The following COL9A2 variants were observed in gnomAD, a reference collection of about 807,000 sequenced individuals.
The protein encoded by COL9A2 is collagen type IX alpha 2 chain.
In COL9A2, 66 loss-of-function variants were observed where a neutral mutation model predicts 111.6. The ratio of observed to expected loss-of-function variants is 0.59; its 90% CI spans 0.48 to 0.73. The LOEUF is 0.73. Among genes scored for constraint, COL9A2 ranks in the 30% least tolerant of loss-of-function variants. The probability of loss-of-function intolerance (pLI) is 0.00; values close to 1 mark genes in which losing one functional copy is unlikely to be tolerated. For missense variants in COL9A2, 881 were observed against 954.1 expected (o/e 0.92, Z 1.01); for synonymous variants, 353 against 364.1 (o/e 0.97, Z 0.35).
rs549065501 is a variant in COL9A2 at position 40,307,195 on chromosome 1, G to T, written c.1008+251C>A. 6.6e-6 allele frequency among the ~76,000 whole-genome samples: 1 copy of T among 152,132 alleles called. No individual in the cohort carries two copies. The highest frequency in any genetic ancestry group is 1.5e-5 in the Non-Finnish European group (1 of 68,004). On this transcript the variant is annotated intron_variant, in intron 19 of 31. Transcript: ENST00000372748. This position sits in a 1 kb window ranked among gnomAD's most constrained non-coding sequence, Gnocchi z 4.8. ...GACTGAATGACTTTTTCCTGGAGGC[G>T]GTGGGGAGCCATGGAAGGTGCTATA...
At chr1:40,305,895 G>C in intron 20 of COL9A2, 127 bp from the exon 21 acceptor site, 2 of 895,734 alleles carry the variant, frequency 2.2e-6, no homozygotes, top group East Asian at 2.5e-5. Flanking sequence ...GGTATTCTTG[G>C]TTCAATCCTC....
Position 40,305,061 on chromosome 1 carries a change from CTTTTTTTTTTT to C in COL9A2, c.1108-225_1108-215del, listed in dbSNP as rs869251364. 2.2e-4 allele frequency: 27 copies of C among 123,654 alleles called. No homozygotes were observed. The Admixed American group carries it at 2.2e-3, about 10-fold the overall frequency. The allele number at this position is 123,654 out of a possible 1,614,324, so 7.7% of individuals were successfully genotyped here. On this transcript the variant is annotated intron_variant, in intron 21 of 31. Transcript: ENST00000372748. The stretch of plus-strand genomic sequence containing the variant: ...TTATCATGTGATCATTTCTTTCTTT[CTTTTTTTTTTT>C]TTTTTTTTTTTTTGAGAGGGAGTCT...
rs1315589414 is a variant in COL9A2, at chr1:40,302,583, C to T, written c.1792+38G>A. On this transcript the variant is annotated intron_variant, in intron 30 of 31. Transcript: ENST00000372748. The surrounding 1 kb of genome is among the most constrained non-coding windows in gnomAD (Gnocchi z 4.5). Reference sequence around the variant, plus strand: ...AAGGGCCGGCCTGGACAAATCCTCACTGCCTGGCCCCCATGCCCACCGCAG... The same window carrying T: ...AAGGGCCGGCCTGGACAAATCCTCATTGCCTGGCCCCCATGCCCACCGCAG... 6.4e-7 allele frequency: 1 copy of T among 1,568,274 alleles called. No individual in the cohort carries two copies.
chr1:40,311,940 A>G lies in COL9A2; in HGVS notation c.417+119T>C. ...CTCATAGGAGGGGTTTCTGCCCCAG[A>G]CCTGGAGGAGTTTCCCAGTGGCCAG... On this transcript the variant is annotated intron_variant, in intron 8 of 31. Coordinates refer to ENST00000372748, the MANE Select transcript of COL9A2 (RefSeq NM_001852.4). This position sits in a 1 kb window ranked among gnomAD's most constrained non-coding sequence, Gnocchi z 5.1. The G allele has an allele frequency of 1.7e-6, 2 of 1,192,514 alleles. No individual in the cohort carries two copies. The highest frequency in any genetic ancestry group is 1.3e-5 in the South Asian group (1 of 76,332). 73.9% of individuals were successfully genotyped at this position (1,192,514 alleles called of 1,614,324 possible).
Position 40,305,772 on chromosome 1 carries a change from C to A in COL9A2, c.1054-4G>T. On this transcript the variant is annotated splice_polypyrimidine_tract_variant and splice_region_variant and intron_variant, in intron 20 of 31. Coordinates refer to ENST00000372748, the MANE Select transcript of COL9A2 (RefSeq NM_001852.4). ...GGCCCTGCGGGCCCGGCTCACCCTGCAGGAAAACAGTTCTCAGGTCAGTCT... is the reference window on the plus strand; with the variant it reads ...GGCCCTGCGGGCCCGGCTCACCCTGAAGGAAAACAGTTCTCAGGTCAGTCT... 1.2e-6 allele frequency: 2 copies of A among 1,614,076 alleles called. No individual in the cohort carries two copies. Among genetic ancestry groups the A allele is most frequent in the Non-Finnish European group, 1.7e-6 (2 of 1,179,980 alleles).
rs74541133 is a variant in COL9A2 at position 40,301,720 on chromosome 1, G to A, written c.1870+92C>T. On this transcript the variant is annotated intron_variant, in intron 31 of 31. Coordinates refer to ENST00000372748, the MANE Select transcript of COL9A2 (RefSeq NM_001852.4). ...GTATCAAGGACTGAGCTGGCTGAGC[G>A]TGAGGCCGCCATGGAGGAGACCGCA... 11,489 of 1,243,888 alleles carry A rather than the reference G, an allele frequency of 9.2e-3. 831 individuals are homozygous for A. In the African/African-American group the frequency reaches 0.15, roughly 16 times the overall value. 77.1% of individuals were successfully genotyped at this position (1,243,888 alleles called of 1,614,324 possible).
chr1:40,302,456 C>T lies in COL9A2; in HGVS notation c.1792+165G>A, dbSNP rs1643928249. Among the ~76,000 whole-genome samples the T allele has an allele frequency of 3.3e-5, 5 of 152,182 alleles. No individual in the cohort carries two copies. The South Asian group carries it at 1.0e-3, about 32-fold the overall frequency. On this transcript the variant is annotated intron_variant, in intron 30 of 31. Coordinates refer to ENST00000372748, the MANE Select transcript of COL9A2 (RefSeq NM_001852.4). The surrounding 1 kb of genome is among the most constrained non-coding windows in gnomAD (Gnocchi z 4.5). ...GAGTGATAACATAGTACATTCATTG[C>T]CATCCGTTTGCTACTAGGAAAGAGC...
At chr1:40,305,257 C>T (rs1042984805) in intron 21 of COL9A2, among the ~76,000 whole-genome samples, 4 of 151,772 alleles carry the variant, frequency 2.6e-5, no homozygotes, top group Non-Finnish European at 4.4e-5. Context: ...TTAGTAGAGA[C>T]GGGGTTTCAC....
rs1644121806 is a variant in COL9A2, at chr1:40,311,352, C to T, written c.520-66G>A. 3 of 1,586,642 alleles carry T rather than the reference C, an allele frequency of 1.9e-6. No homozygotes were observed. The highest frequency in any genetic ancestry group is 1.3e-5 in the African/African-American group (1 of 74,264). ...GCAGTGCGCCCCCATCTCTCCAAGC[C>T]CCGTGCTCTCCTCCGCCTCACCTGG... On this transcript the variant is annotated intron_variant, in intron 10 of 31. Transcript: ENST00000372748. This position sits in a 1 kb window ranked among gnomAD's most constrained non-coding sequence, Gnocchi z 5.1.
rs371190226 is a variant in COL9A2 at position 40,311,642 on chromosome 1, G to A, written c.471+20C>T. 15 of 1,613,798 alleles carry A rather than the reference G, an allele frequency of 9.3e-6. No homozygotes were observed. In the South Asian group the frequency reaches 9.9e-5, roughly 11 times the overall value. ...TCCTTCCCCTGCACTTTGCCATGTC[G>A]GGGGTCTGGGGACACTTACAGGTTT... On this transcript the variant is annotated intron_variant, in intron 9 of 31. Coordinates refer to ENST00000372748, the MANE Select transcript of COL9A2 (RefSeq NM_001852.4). This position sits in a 1 kb window ranked among gnomAD's most constrained non-coding sequence, Gnocchi z 5.1.
At position 40,312,807 on chromosome 1, in the gene COL9A2, G is replaced by A. The variant is rs202066910; in HGVS notation, c.250-23C>T. On this transcript the variant is annotated intron_variant, in intron 4 of 31. Transcript: ENST00000372748. The surrounding 1 kb of genome is among the most constrained non-coding windows in gnomAD (Gnocchi z 6.0). ...ACCCTGGGGAAGAATGAAAATGTAG[G>A]ATCAATGAGGGCCAACCTGCTCCCT... 1.3e-6 allele frequency: 2 copies of A among 1,548,548 alleles called. No homozygotes were observed. Among genetic ancestry groups the A allele is most frequent in the East Asian group, 2.4e-5 (1 of 40,928 alleles).
In COL9A2 at chr1:40,314,280, G is replaced by T. The variant is rs1644180716; in HGVS notation, c.187-13C>A. ...CGCCCTTGGGTCCCTTGAAAACAGA[G>T]ATGGAACAAACATGAGCCAGAGGAG... On this transcript the variant is annotated splice_polypyrimidine_tract_variant and intron_variant, in intron 3 of 31. Coordinates refer to ENST00000372748, the MANE Select transcript of COL9A2 (RefSeq NM_001852.4). This position sits in a 1 kb window ranked among gnomAD's most constrained non-coding sequence, Gnocchi z 4.1. 6.2e-7 allele frequency: 1 copy of T among 1,614,220 alleles called. No homozygotes were observed. Among genetic ancestry groups the T allele is most frequent in the Non-Finnish European group, 8.5e-7 (1 of 1,180,044 alleles).
chr1:40,306,216 G>C, intron 19 of COL9A2, 29 bp from the exon 20 acceptor site: 1 of 1,614,002 alleles, frequency 6.2e-7, no homozygotes, highest in Non-Finnish European at 8.5e-7. Flanking sequence ...GTCAGTTTCT[G>C]CCCTGGCATG....
At chr1:40,309,324 AAG>A (rs1236360277) in intron 16 of COL9A2, among the ~76,000 whole-genome samples, 1 of 152,088 alleles carries the variant, frequency 6.6e-6, no homozygotes, top group Non-Finnish European at 1.5e-5. Context: ...AATTTTTAAA[AAG>A]AAAAGAAAAT....
chr1:40,306,186 C>G lies in COL9A2; in HGVS notation c.1010G>C (p.Gly337Ala), dbSNP rs199502479. 4.3e-5 allele frequency: 69 copies of G among 1,614,104 alleles called. No individual in the cohort carries two copies. Among genetic ancestry groups the G allele is most frequent in the Non-Finnish European group, 5.7e-5 (67 of 1,180,046 alleles). The change falls in exon 20 of 32, where the codon GGT becomes GCT. Residue 337 changes from glycine to alanine, a missense_variant and splice_region_variant. Gly to Ala is a moderately conservative substitution (Grantham distance 60). Coordinates refer to ENST00000372748, the MANE Select transcript of COL9A2 (RefSeq NM_001852.4). The stretch of plus-strand genomic sequence containing the variant: ...TTTTGTCCCAGGCTGGCCTGGCACA[C>G]CCTGCAGAAAGAAGTTGAAGTCAGT... ...PGSPGHQGLA[G>A]VPGQPGTKGG...
At chr1:40,304,134 T>TC (rs1253703731) in intron 24 of COL9A2, 35 bp from the exon 25 acceptor site, 7 of 1,531,178 alleles carry the variant, frequency 4.6e-6, no homozygotes, top group Non-Finnish European at 6.1e-6. Flanking sequence ...TTTGGCGAGC[T>TC]CCCCCCTCCA....
chr1:40,316,777 C>T lies in COL9A2; in HGVS notation c.75+346G>A. 2.6e-6 allele frequency: 1 copy of T among 378,942 alleles called. No individual in the cohort carries two copies. The highest frequency in any genetic ancestry group is 2.2e-5 in the South Asian group (1 of 45,404). The allele number at this position is 378,942 out of a possible 1,614,324, so 23.5% of individuals were successfully genotyped here. ...GGCGCCCCCTGGGAGGCGGCGGGGG[C>T]GGAGGCTGCGCAGCGGGTGAATGAG... On this transcript the variant is annotated intron_variant, in intron 1 of 31. Transcript: ENST00000372748. The surrounding 1 kb of genome is among the most constrained non-coding windows in gnomAD (Gnocchi z 5.5).
rs1644220429 is a variant in COL9A2 at position 40,316,457 on chromosome 1, A to G, written c.75+666T>C. Among the ~76,000 whole-genome samples, 1 of 152,188 alleles carries G rather than the reference A, an allele frequency of 6.6e-6. No individual in the cohort carries two copies. Among genetic ancestry groups the G allele is most frequent in the Non-Finnish European group, 1.5e-5 (1 of 68,006 alleles). ...CAAGATGAGGCGAGCTCACAGCTGG[A>G]GAGTCTCCATCCTGCTGCCCATCTC... is the stretch of plus-strand genomic sequence containing the variant. On this transcript the variant is annotated intron_variant, in intron 1 of 31. Transcript: ENST00000372748. The surrounding 1 kb of genome is among the most constrained non-coding windows in gnomAD (Gnocchi z 5.5).
Position 40,303,248 on chromosome 1 carries a change from C to A in COL9A2, c.1549-63G>T. 6.6e-7 allele frequency: 1 copy of A among 1,523,936 alleles called. No homozygotes were observed. The highest frequency in any genetic ancestry group is 9.0e-7 in the Non-Finnish European group (1 of 1,112,800). 94.4% of individuals were successfully genotyped at this position (1,523,936 alleles called of 1,614,324 possible). On this transcript the variant is annotated intron_variant, in intron 28 of 31. Coordinates refer to ENST00000372748, the MANE Select transcript of COL9A2 (RefSeq NM_001852.4). This position sits in a 1 kb window ranked among gnomAD's most constrained non-coding sequence, Gnocchi z 4.6. ...ACAAGGGCCCACCGCTCCTATCCCA[C>A]CTGGCTGAGCGTGAGGCCGCCATGG...
Sources: gnomAD v4.1 joint callset for allele counts (sites outside exome capture counted in the v4.1 genomes callset) on GRCh38, gnomAD v4.1.1 for gene constraint, Gnocchi (gnomAD v3.1) non-coding constraint, MANE v1.5 for transcripts, NCBI Gene and HGNC (gene_info 2026-07-23, HGNC 2026-07-21) for gene names.